The following AGT variants were observed in gnomAD, a reference collection of about 807,000 sequenced individuals.
AGT encodes alpha-1 antiproteinase, antitrypsin.
AGT carries 26 observed loss-of-function variants against 28.1 expected under a neutral mutation model. That is an observed-to-expected ratio of 0.92 (90% confidence interval 0.68 to 1.28). AGT has a LOEUF of 1.28. Ranked by LOEUF, AGT falls within the 50% of genes most tolerant of loss-of-function variation. The pLI, the probability that AGT is intolerant of heterozygous loss-of-function variation, is 0.00. For missense variants in AGT, 596 were observed against 592.3 expected (o/e 1.01, Z -0.06); for synonymous variants, 259 against 259.6 (o/e 1.00, Z 0.02).
At chr1:230,744,058 G>T (rs913073818) in intron 1 of AGT, among the ~76,000 whole-genome samples, 4 of 152,222 alleles carry the variant, frequency 2.6e-5, no homozygotes. Flanking sequence ...AAAGCTGATT[G>T]CATCTCTAGG....
At chr1:230,725,944 A>G (rs1483538246) in intron 1 of AGT, among the ~76,000 whole-genome samples, 1 of 150,556 alleles carries the variant, frequency 6.6e-6, no homozygotes, top group Non-Finnish European at 1.5e-5. Flanking sequence ...AGTGCCCACA[A>G]CAACTGCTTT....
chr1:230,731,816 A>G (rs973287835), intron 1 of AGT, among the ~76,000 whole-genome samples: 4 of 152,110 alleles, frequency 2.6e-5, no homozygotes, highest in Non-Finnish European at 5.9e-5. Context: ...GCAACGAACC[A>G]AGATCATGCC....
At chr1:230,705,746 C>G (rs1240182837) in intron 3 of AGT, among the ~76,000 whole-genome samples, 187 bp downstream of exon 3, 1 of 152,224 alleles carries the variant, frequency 6.6e-6, no homozygotes, top group Non-Finnish European at 1.5e-5. Flanking sequence ...AACTGGAGAG[C>G]TGGGTGCTGG....
At chr1:230,741,053 C>A (rs1664240239) in intron 1 of AGT, among the ~76,000 whole-genome samples, 1 of 152,136 alleles carries the variant, frequency 6.6e-6, no homozygotes, top group African/African-American at 2.4e-5. Flanking sequence ...ACCTCCAGCT[C>A]CTAGATGAGA....
intron 3 of AGT, 69 bp downstream of exon 3, chr1:230,705,864 C>T (rs1663368828): frequency 1.3e-6 from 2 of 1,594,582 alleles, no homozygotes; most frequent in African/African-American, 1.3e-5. Flanking sequence ...TGTCTACTCC[C>T]CACCCCGCCC....
intron 1 of AGT, among the ~76,000 whole-genome samples, chr1:230,736,022 A>C (rs1347166110): frequency 2.0e-5 from 3 of 151,336 alleles, no homozygotes; most frequent in East Asian, 3.9e-4. Context: ...CACAAAGGTG[A>C]TGTCTTAAAT....
At chr1:230,740,233 G>C (rs113230301) in intron 1 of AGT, among the ~76,000 whole-genome samples, 1 of 152,198 alleles carries the variant, frequency 6.6e-6, no homozygotes, top group African/African-American at 2.4e-5. Flanking sequence ...CAGTGAGGAC[G>C]AACAGAGGTC....
At chr1:230,722,283 T>C (rs58887985) in intron 1 of AGT, among the ~76,000 whole-genome samples, 2,071 of 152,284 alleles carry the variant, frequency 0.014, 55 homozygotes, top group African/African-American at 0.046. Context: ...AGAGTATGTA[T>C]GGAAATGCCT....
chr1:230,704,019 C>T (rs1663307434), intron 4 of AGT, among the ~76,000 whole-genome samples, 174 bp downstream of exon 4: 1 of 152,170 alleles, frequency 6.6e-6, no homozygotes, highest in Non-Finnish European at 1.5e-5. Flanking sequence ...CTGCTCTGCA[C>T]CTGGAAGGCC....
chr1:230,730,654 A>G (rs1664036154), intron 1 of AGT, among the ~76,000 whole-genome samples: 1 of 152,070 alleles, frequency 6.6e-6, no homozygotes, highest in Admixed American at 6.6e-5. Flanking sequence ...CTCTTAGCAG[A>G]TTGCTTGTGG....
intron 2 of AGT, among the ~76,000 whole-genome samples, chr1:230,708,346 A>C: frequency 1.3e-5 from 2 of 150,762 alleles, no homozygotes; most frequent in Admixed American, 6.6e-5. Flanking sequence ...CTTCTGCAGG[A>C]CCCTCCTTCT....
chr1:230,716,912 GA>G (rs1167255251), upstream of AGT, among the ~76,000 whole-genome samples: 8 of 150,370 alleles, frequency 5.3e-5, no homozygotes, highest in Non-Finnish European at 1.0e-4. Flanking sequence ...GATATGTAGG[GA>G]AAAAAAAGAG....
intron 1 of AGT, among the ~76,000 whole-genome samples, chr1:230,741,830 A>T (rs528514850): frequency 6.6e-6 from 1 of 152,286 alleles, no homozygotes; most frequent in Non-Finnish European, 1.5e-5. Flanking sequence ...CGGGGGAGGG[A>T]AGGCAGAGCC....
At chr1:230,733,606 A>G (rs1465998870) in intron 1 of AGT, among the ~76,000 whole-genome samples, 2 of 152,176 alleles carry the variant, frequency 1.3e-5, no homozygotes, top group Non-Finnish European at 2.9e-5. Context: ...ATCCTTGCTT[A>G]TTGTGTGAAA....
At chr1:230,711,037 G>A (rs1303112397) in intron 1 of AGT, among the ~76,000 whole-genome samples, 184 bp from the exon 2 acceptor site, 1 of 152,166 alleles carries the variant, frequency 6.6e-6, no homozygotes. Context: ...CATGATCCAA[G>A]TGCAAAATGC....
At chr1:230,733,695 A>G (rs1321622125) in intron 1 of AGT, among the ~76,000 whole-genome samples, 1 of 152,220 alleles carries the variant, frequency 6.6e-6, no homozygotes, top group Non-Finnish European at 1.5e-5. Flanking sequence ...GAGCTAATCC[A>G]ATCATATATT....
Position 230,736,570 on chromosome 1 carries a change from A to G in AGT, c.-31+8945T>C, listed in dbSNP as rs528442755. The stretch of plus-strand genomic sequence containing the variant: ...TTTGTTTCCGCAGTATTCTTGCAAC[A>G]TCTGGGGCATGAACACAGTTCTCAG... On this transcript the variant is annotated intron_variant, in intron 1 of 4. Transcript: ENST00000681269. Among the ~76,000 whole-genome samples the G allele has an allele frequency of 7.2e-5, 11 of 152,314 alleles. 1 individual carries two copies. The South Asian group carries it at 2.3e-3, about 32-fold the overall frequency.
At chr1:230,726,596 TAGTA>T (rs1663947233) in intron 1 of AGT, among the ~76,000 whole-genome samples, 1 of 152,142 alleles carries the variant, frequency 6.6e-6, no homozygotes, top group South Asian at 2.1e-4. Context: ...AAAAAAAACA[TAGTA>T]AGCATAGCTT....
rs974641823 is a variant in AGT at position 230,726,863 on chromosome 1, C to T, written c.-30-16010G>A. 3.9e-5 allele frequency among the ~76,000 whole-genome samples: 6 copies of T among 152,220 alleles called. No individual in the cohort carries two copies. In the South Asian group the frequency reaches 1.0e-3, roughly 26 times the overall value. ...AAAAAAGCCAGATGCTATGTCTCCC[C>T]AACCATTTGCTTCCCACCCCACACC... On this transcript the variant is annotated intron_variant, in intron 1 of 4. Coordinates refer to the AGT transcript ENST00000681269.
Sources: allele counts gnomAD v4.1 joint callset (sites outside exome capture counted in the v4.1 genomes callset), GRCh38; gene constraint gnomAD v4.1.1; transcripts MANE v1.5; gene names NCBI Gene and HGNC (gene_info 2026-07-23, HGNC 2026-07-21).